Variants in PIK3AP1 observed in about 807,000 individuals in gnomAD.
PIK3AP1 encodes the protein phosphoinositide 3-kinase adapter protein 1.
Under a neutral mutation model 88.1 loss-of-function variants are expected in PIK3AP1, and 21 were observed. The ratio of observed to expected loss-of-function variants is 0.24; its 90% confidence interval spans 0.17 to 0.34. The LOEUF (loss-of-function observed/expected upper bound fraction) is 0.34, where lower values mean the gene tolerates loss of function less well. Ranked by LOEUF, PIK3AP1 falls within the 10% of genes least tolerant of loss-of-function variation. The pLI is 1.00. For missense variants in PIK3AP1, 828 were observed against 1,035.7 expected (o/e 0.80, Z 2.75); for synonymous variants, 398 against 400.0 (o/e 1.00, Z 0.06).
intron 8 of PIK3AP1, among the ~76,000 whole-genome samples, chr10:96,628,871 T>A (rs1317815663): frequency 9.2e-5 from 4 of 43,690 alleles, no homozygotes; most frequent in Admixed American, 7.3e-4. Flanking sequence ...CACACATATA[T>A]ACACATATAT....
At chr10:96,641,127 G>A (rs61856766) in intron 8 of PIK3AP1, among the ~76,000 whole-genome samples, 21,558 of 147,570 alleles carry the variant, frequency 0.15, 1,680 homozygotes, top group Admixed American at 0.24. Flanking sequence ...GTGTGTGTGC[G>A]TGTGCATGTA....
chr10:96,663,730 G>A (rs566234574), intron 2 of PIK3AP1, among the ~76,000 whole-genome samples: 21 of 147,764 alleles, frequency 1.4e-4, no homozygotes, highest in African/African-American at 5.0e-4. Context: ...CTTAATATAC[G>A]AAGATGTCAC....
At position 96,631,029 on chromosome 10, in the gene PIK3AP1, A is replaced by G. The variant is rs144282811; in HGVS notation, c.1376-2536T>C. On this transcript the variant is annotated intron_variant, in intron 8 of 16. Coordinates refer to ENST00000339364, the MANE Select transcript of PIK3AP1 (RefSeq NM_152309.3). ...TTTTTGAAACTTCAGTTTGAAACTC[A>G]TCATTAACCCAACAATGAAGCACCA... Among the ~76,000 whole-genome samples the G allele has an allele frequency of 2.7e-3, 418 of 152,210 alleles. 2 individuals carry two copies. The highest frequency in any genetic ancestry group is 8.8e-3 in the African/African-American group (364 of 41,534).
At chr10:96,681,653 G>A (rs1191527457) in intron 2 of PIK3AP1, among the ~76,000 whole-genome samples, 1 of 152,174 alleles carries the variant, frequency 6.6e-6, no homozygotes, top group African/African-American at 2.4e-5. Flanking sequence ...GGACATGAAG[G>A]CACCGAACCG....
At chr10:96,687,919 T>C (rs1462198324) in intron 2 of PIK3AP1, among the ~76,000 whole-genome samples, 1 of 152,010 alleles carries the variant, frequency 6.6e-6, no homozygotes. Context: ...GAGCCTGGAG[T>C]GGCATCTGGG....
chr10:96,713,503 T>TAAAA (rs566830672), intron 1 of PIK3AP1, among the ~76,000 whole-genome samples: 9 of 84,912 alleles, frequency 1.1e-4, no homozygotes, highest in Non-Finnish European at 2.4e-5. Context: ...GACTCCGTCT[T>TAAAA]AAAAAAAAAA....
chr10:96,631,136 G>C lies in PIK3AP1; in HGVS notation c.1376-2643C>G, dbSNP rs541567074. ...GAGGGAGAAACTCCACAGCCCTGTGGTCCAGCTTTATACTGCCCAGTGCTG... is the reference window on the plus strand; with the variant it reads ...GAGGGAGAAACTCCACAGCCCTGTGCTCCAGCTTTATACTGCCCAGTGCTG... On this transcript the variant is annotated intron_variant, in intron 8 of 16. Coordinates refer to ENST00000339364, the MANE Select transcript of PIK3AP1 (RefSeq NM_152309.3). Among the ~76,000 whole-genome samples, 67 of 152,260 alleles carry C rather than the reference G, an allele frequency of 4.4e-4. 1 individual carries two copies. The South Asian group carries it at 9.7e-3, about 22-fold the overall frequency.
At chr10:96,598,340 A>C (rs1053886712) in intron 16 of PIK3AP1, among the ~76,000 whole-genome samples, 1 of 152,100 alleles carries the variant, frequency 6.6e-6, no homozygotes, top group Non-Finnish European at 1.5e-5. Context: ...TACAGGCATG[A>C]GCCACTGTGC....
chr10:96,663,707 A>G (rs989517026), intron 2 of PIK3AP1, among the ~76,000 whole-genome samples: 1 of 151,842 alleles, frequency 6.6e-6, no homozygotes, highest in Non-Finnish European at 1.5e-5. Context: ...AAAAATGATA[A>G]GGGGCTAATC....
At chr10:96,638,897 T>C (rs1843349085) in intron 8 of PIK3AP1, among the ~76,000 whole-genome samples, 1 of 152,246 alleles carries the variant, frequency 6.6e-6, no homozygotes, top group Non-Finnish European at 1.5e-5. Context: ...GTTTACTGAC[T>C]CATCATCACC....
chr10:96,601,927 A>G (rs1356953969), intron 16 of PIK3AP1, among the ~76,000 whole-genome samples: 1 of 152,166 alleles, frequency 6.6e-6, no homozygotes, highest in African/African-American at 2.4e-5. Flanking sequence ...TCTGTCACCC[A>G]GGCTAGAGTG....
chr10:96,599,944 T>C (rs1429355706), intron 16 of PIK3AP1, among the ~76,000 whole-genome samples: 1 of 152,186 alleles, frequency 6.6e-6, no homozygotes, highest in African/African-American at 2.4e-5. Flanking sequence ...TATCCTTTAA[T>C]TTTTGGAACC....
At position 96,623,483 on chromosome 10, in the gene PIK3AP1, C is replaced by T. The variant is rs780317848; in HGVS notation, c.1724G>A (p.Ser575Asn). Residue 575 changes from serine to asparagine, a missense_variant, in exon 11 of 17, where the codon AGC (serine) becomes AAC (asparagine). Physicochemically the swap from Ser to Asn is conservative, Grantham distance 46. This residue lies in a region of PIK3AP1 where 610 missense variants were observed against 760.1 expected (regional missense o/e 0.80). Transcript: ENST00000339364. ...AACACATGGCTTACCTTTCCTGATG[C>T]TCTCTGAGGAAACGTAGAAATTCCC... Reference protein sequence around the residue: ...RPGNFYVSSESIRKGPPVRPW... With the variant: ...RPGNFYVSSENIRKGPPVRPW... 6.2e-7 allele frequency: 1 copy of T among 1,611,338 alleles called. No homozygotes were observed. Among genetic ancestry groups the T allele is most frequent in the Non-Finnish European group, 8.5e-7 (1 of 1,177,802 alleles).
chr10:96,622,416 T>G (rs563872197), intron 11 of PIK3AP1, among the ~76,000 whole-genome samples: 2 of 152,272 alleles, frequency 1.3e-5, no homozygotes, highest in South Asian at 4.2e-4. Context: ...TGGATCTAAA[T>G]TTCTCCAGCA....
At chr10:96,632,866 T>G (rs746224939) in intron 8 of PIK3AP1, 1 of 1,609,826 alleles carries the variant, frequency 6.2e-7, no homozygotes, top group Non-Finnish European at 8.5e-7. Flanking sequence ...ATTTTTAGGT[T>G]CAATCGAACA....
intron 2 of PIK3AP1, among the ~76,000 whole-genome samples, chr10:96,658,223 T>A (rs549536039): frequency 6.6e-6 from 1 of 152,286 alleles, no homozygotes; most frequent in Non-Finnish European, 1.5e-5. Context: ...TAACCCTGCC[T>A]TCAGAGAGTC....
At chr10:96,688,320 A>C (rs1299083742) in intron 2 of PIK3AP1, among the ~76,000 whole-genome samples, 1 of 152,204 alleles carries the variant, frequency 6.6e-6, no homozygotes, top group African/African-American at 2.4e-5. Context: ...TCAAAGGGCG[A>C]GGATAAGTCA....
chr10:96,695,780 C>A (rs1844211493), intron 2 of PIK3AP1, among the ~76,000 whole-genome samples: 1 of 151,816 alleles, frequency 6.6e-6, no homozygotes, highest in Non-Finnish European at 1.5e-5. Context: ...AATTTAATCT[C>A]TGCAGAGACA....
chr10:96,664,252 C>T (rs1843731425), intron 2 of PIK3AP1, among the ~76,000 whole-genome samples: 1 of 152,176 alleles, frequency 6.6e-6, no homozygotes, highest in Admixed American at 6.5e-5. Flanking sequence ...AAGCTTACGG[C>T]ATGCGAAGCG....
Sources: gnomAD v4.1 joint callset for allele counts (sites outside exome capture counted in the v4.1 genomes callset) on GRCh38, gnomAD v4.1.1 for gene constraint, gnomAD v4.1.1 regional missense constraint, MANE v1.5 for transcripts, NCBI Gene and HGNC (gene_info 2026-07-23, HGNC 2026-07-21) for gene names.